Variants in SEMA5A observed in about 807,000 individuals in gnomAD.
The protein encoded by SEMA5A is semaphorin-5A.
Under a neutral mutation model 135.5 loss-of-function variants are expected in SEMA5A, and 55 were observed. That is an observed-to-expected ratio of 0.41 (90% CI 0.33 to 0.51). SEMA5A has a LOEUF of 0.51. SEMA5A is among the 20% of genes least tolerant of loss of function. SEMA5A has a pLI of 0.37. For synonymous variants in SEMA5A, 580 were observed against 546.5 expected, an observed-to-expected ratio of 1.06 and a Z score of -0.85; for missense variants, 1,290 against 1,419.9, an observed-to-expected ratio of 0.91 and a Z score of 1.47.
chr5:9,046,100 C>G (rs961200156), intron 21 of SEMA5A, among the ~76,000 whole-genome samples: 2 of 152,160 alleles, frequency 1.3e-5, no homozygotes, highest in African/African-American at 4.8e-5. Flanking sequence ...GTTGTTAGAA[C>G]CAAGTGGCTG....
intron 1 of SEMA5A, among the ~76,000 whole-genome samples, chr5:9,516,409 G>GA (rs1295007653): frequency 6.6e-6 from 1 of 151,906 alleles, no homozygotes; most frequent in African/African-American, 2.4e-5. Flanking sequence ...AGAATCTCTA[G>GA]AAAAAGAGAT....
intron 11 of SEMA5A, among the ~76,000 whole-genome samples, chr5:9,180,126 C>G (rs752558992): frequency 8.5e-5 from 13 of 152,174 alleles, no homozygotes; most frequent in Admixed American, 3.3e-4. Context: ...CTTACAAGCA[C>G]ACCAGTCATA....
At chr5:9,335,840 A>C (rs1037060010) in intron 4 of SEMA5A, among the ~76,000 whole-genome samples, 6 of 152,202 alleles carry the variant, frequency 3.9e-5, no homozygotes, top group African/African-American at 1.4e-4. Flanking sequence ...GTGTTGAATC[A>C]ACAGGTATCT....
chr5:9,317,949 C>T (rs1440880538), intron 5 of SEMA5A, among the ~76,000 whole-genome samples: 1 of 151,936 alleles, frequency 6.6e-6, no homozygotes, highest in Admixed American at 6.6e-5. Context: ...AGCTTTTAAC[C>T]CAAGTATTCA....
chr5:9,509,421 CA>C (rs1473821128), intron 1 of SEMA5A, among the ~76,000 whole-genome samples: 6 of 152,054 alleles, frequency 3.9e-5, no homozygotes, highest in African/African-American at 1.4e-4. Flanking sequence ...ATTACAGGCG[CA>C]CACCACCACG....
chr5:9,278,783 T>G (rs1044799389), intron 5 of SEMA5A, among the ~76,000 whole-genome samples: 17 of 152,198 alleles, frequency 1.1e-4, no homozygotes, highest in African/African-American at 3.9e-4. Context: ...CAGTAGCATC[T>G]ACGTGGTGCT....
At chr5:9,212,302 TA>T (rs1746385031) in intron 8 of SEMA5A, among the ~76,000 whole-genome samples, 1 of 152,256 alleles carries the variant, frequency 6.6e-6, no homozygotes. Flanking sequence ...ATTAAACATT[TA>T]TTATCCTGCC....
intron 2 of SEMA5A, among the ~76,000 whole-genome samples, chr5:9,406,280 G>A (rs1223227917): frequency 6.6e-6 from 1 of 152,174 alleles, no homozygotes; most frequent in African/African-American, 2.4e-5. Context: ...ATAAAGAAAA[G>A]ATAACACAGG....
chr5:9,148,639 T>C (rs1367457827), intron 12 of SEMA5A, among the ~76,000 whole-genome samples: 1 of 152,194 alleles, frequency 6.6e-6, no homozygotes, highest in Non-Finnish European at 1.5e-5. Context: ...GCTCTAAAAC[T>C]GCCAGGCTAC....
chr5:9,325,884 G>T (rs1031372962), intron 4 of SEMA5A, among the ~76,000 whole-genome samples: 1 of 152,148 alleles, frequency 6.6e-6, no homozygotes, highest in Non-Finnish European at 1.5e-5. Context: ...ACTGAGAAAA[G>T]AAGAATTAAG....
At chr5:9,385,114 A>T (rs990197543) in intron 2 of SEMA5A, among the ~76,000 whole-genome samples, 3 of 152,222 alleles carry the variant, frequency 2.0e-5, no homozygotes, top group Non-Finnish European at 4.4e-5. Context: ...TGGTGCGTCT[A>T]CTTCAAAACC....
At chr5:9,446,256 T>G (rs1222674819) in intron 1 of SEMA5A, among the ~76,000 whole-genome samples, 3 of 152,176 alleles carry the variant, frequency 2.0e-5, no homozygotes, top group Non-Finnish European at 4.4e-5. Context: ...ACACTTCCTA[T>G]TTCATTACTC....
intron 1 of SEMA5A, among the ~76,000 whole-genome samples, chr5:9,475,086 C>T (rs1759620269): frequency 6.6e-6 from 1 of 152,236 alleles, no homozygotes; most frequent in African/African-American, 2.4e-5. Context: ...GGGTTATAGA[C>T]ATGCACCACC....
chr5:9,335,365 A>G (rs1039513385), intron 4 of SEMA5A, among the ~76,000 whole-genome samples: 2 of 152,234 alleles, frequency 1.3e-5, no homozygotes, highest in African/African-American at 4.8e-5. Context: ...GAACAGGAGC[A>G]TAAGACATCT....
At chr5:9,200,921 T>G (rs564907174) in intron 9 of SEMA5A, among the ~76,000 whole-genome samples, 1 of 152,164 alleles carries the variant, frequency 6.6e-6, no homozygotes, top group South Asian at 2.1e-4. Flanking sequence ...GAAAAAGAGG[T>G]TTCCTTAGTT....
chr5:9,058,392 C>T (rs980143961), intron 18 of SEMA5A, among the ~76,000 whole-genome samples: 1 of 152,096 alleles, frequency 6.6e-6, no homozygotes, highest in Non-Finnish European at 1.5e-5. Context: ...TGCTAAAAAT[C>T]ACATAGGAAT....
intron 5 of SEMA5A, among the ~76,000 whole-genome samples, chr5:9,296,579 T>C (rs540074974): frequency 7.2e-5 from 11 of 152,258 alleles, no homozygotes; most frequent in African/African-American, 2.6e-4. Flanking sequence ...TGCCAAAATG[T>C]TTTTTAATTA....
chr5:9,259,638 G>A (rs1308651269), intron 5 of SEMA5A, among the ~76,000 whole-genome samples: 3 of 151,912 alleles, frequency 2.0e-5, no homozygotes, highest in Admixed American at 1.3e-4. Flanking sequence ...GCTCCTGAAT[G>A]ACTACTGGGT....
intron 11 of SEMA5A, among the ~76,000 whole-genome samples, chr5:9,166,966 A>G (rs1743643495): frequency 6.6e-6 from 1 of 152,226 alleles, no homozygotes; most frequent in African/African-American, 2.4e-5. Context: ...GCAGGCATCC[A>G]GAGTCTAAAT....
Sources: gnomAD v4.1 joint callset for allele counts (sites outside exome capture counted in the v4.1 genomes callset) on GRCh38, gnomAD v4.1.1 for gene constraint, MANE v1.5 for transcripts, NCBI Gene and HGNC (gene_info 2026-07-23, HGNC 2026-07-21) for gene names.